Variants in NEK11 observed in about 807,000 individuals in gnomAD.
NEK11 encodes NIMA related kinase 11.
Under a neutral mutation model 80.7 loss-of-function variants are expected in NEK11, and 72 were observed. The observed-to-expected ratio is 0.89, with a 90% CI of 0.74 to 1.08. The LOEUF is 1.08. NEK11 is among the 50% of genes least tolerant of loss of function. The pLI, the probability that NEK11 is intolerant of heterozygous loss-of-function variation, is 0.00. For synonymous variants in NEK11, 251 were observed against 260.7 expected (o/e 0.96, Z 0.36); for missense variants, 764 against 763.6 (o/e 1.00, Z -0.01).
At chr3:131,224,275 T>TGG (rs2095121704) in intron 14 of NEK11, among the ~76,000 whole-genome samples, 1 of 152,174 alleles carries the variant, frequency 6.6e-6, no homozygotes, top group South Asian at 2.1e-4. Context: ...TTACCCAGTC[T>TGG]GGAGTGCAGT....
chr3:131,266,888 A>T (rs1242279092), intron 16 of NEK11, among the ~76,000 whole-genome samples: 1 of 152,154 alleles, frequency 6.6e-6, no homozygotes, highest in Non-Finnish European at 1.5e-5. Context: ...TTGGGTGCTT[A>T]TACATTTAGG....
chr3:131,045,186 A>G (rs1163574625), intron 3 of NEK11, among the ~76,000 whole-genome samples: 2 of 152,098 alleles, frequency 1.3e-5, no homozygotes, highest in East Asian at 3.9e-4. Context: ...AAAATCAACA[A>G]TTGTCTATTT....
chr3:131,279,939 T>C (rs2096368633), intron 17 of NEK11, among the ~76,000 whole-genome samples: 1 of 152,208 alleles, frequency 6.6e-6, no homozygotes, highest in Admixed American at 6.5e-5. Flanking sequence ...ATTTTGAGGC[T>C]GAACTGCTGG....
In NEK11 at chr3:131,262,312, G is replaced by T. The variant is rs1411271052; in HGVS notation, c.1622-11166G>T. Among the ~76,000 whole-genome samples the T allele has an allele frequency of 3.3e-5, 5 of 152,230 alleles. No homozygotes were observed. The East Asian group carries it at 9.6e-4, about 29-fold the overall frequency. On this transcript the variant is annotated intron_variant, in intron 16 of 17. Coordinates refer to ENST00000383366, the MANE Select transcript of NEK11 (RefSeq NM_024800.5). ...GAGGTGGGAGAATCACTTGAGCCTAGGAGTTCAAAGTCAGCCTGGGCAACA... is the reference window on the plus strand; with the variant it reads ...GAGGTGGGAGAATCACTTGAGCCTATGAGTTCAAAGTCAGCCTGGGCAACA...
At chr3:131,331,997 G>A (rs1011542294) in intron 17 of NEK11, among the ~76,000 whole-genome samples, 14 of 152,230 alleles carry the variant, frequency 9.2e-5, no homozygotes, top group African/African-American at 3.1e-4. Context: ...ACAGCTCAAG[G>A]AGGCCTGCCT....
At chr3:131,255,563 A>G (rs1173995532) in intron 16 of NEK11, among the ~76,000 whole-genome samples, 3 of 152,174 alleles carry the variant, frequency 2.0e-5, no homozygotes, top group Non-Finnish European at 2.9e-5. Flanking sequence ...CTTACATTCC[A>G]GTAGCACCAA....
chr3:131,150,911 A>C (rs2089520393), intron 7 of NEK11, among the ~76,000 whole-genome samples: 1 of 151,994 alleles, frequency 6.6e-6, no homozygotes, highest in African/African-American at 2.4e-5. Flanking sequence ...CTTGGCTAAA[A>C]ACATCTTTAT....
At chr3:131,257,039 C>T (rs183158903) in intron 16 of NEK11, among the ~76,000 whole-genome samples, 124 of 152,120 alleles carry the variant, frequency 8.2e-4, no homozygotes, top group African/African-American at 2.8e-3. Flanking sequence ...TGCTGGAGTA[C>T]AGTGGCACAA....
chr3:131,130,209 T>A (rs1178259295), intron 5 of NEK11, among the ~76,000 whole-genome samples: 1 of 152,248 alleles, frequency 6.6e-6, no homozygotes. Flanking sequence ...AAATATAGTT[T>A]GATATAAATG....
chr3:131,029,686 C>A lies in NEK11; in HGVS notation c.-23C>A, dbSNP rs1168453376. 1.2e-6 allele frequency: 2 copies of A among 1,607,620 alleles called. No homozygotes were observed. The highest frequency in any genetic ancestry group is 3.4e-5 in the Admixed American group (2 of 59,628). On this transcript the variant is annotated 5_prime_UTR_variant, in exon 3 of 18. Transcript: ENST00000383366. ...TGTTAAGTTTCTATAAATGAATGAA[C>A]CAGTTCTCTCTTGTTTGGAGCAATG...
intron 14 of NEK11, among the ~76,000 whole-genome samples, chr3:131,196,447 A>G (rs914386666): frequency 1.3e-5 from 2 of 152,234 alleles, no homozygotes; most frequent in African/African-American, 4.8e-5. Context: ...TTCTTGGAGT[A>G]AGGAATTTCT....
chr3:131,162,535 G>A lies in NEK11; in HGVS notation c.1082+8G>A. On this transcript the variant is annotated splice_region_variant and intron_variant, in intron 11 of 17. Transcript: ENST00000383366. ...GAAAGCCAGGAAGCTGAAGTAAGCTGCTTTTCCTTTAGGCACTCATGCTCG... is the reference window on the plus strand; with the variant it reads ...GAAAGCCAGGAAGCTGAAGTAAGCTACTTTTCCTTTAGGCACTCATGCTCG... 1 of 1,613,846 alleles carries A rather than the reference G, an allele frequency of 6.2e-7. No homozygotes were observed. The highest frequency in any genetic ancestry group is 8.5e-7 in the Non-Finnish European group (1 of 1,179,872).
chr3:131,331,189 G>A (rs1309435085), intron 17 of NEK11, among the ~76,000 whole-genome samples: 4 of 152,208 alleles, frequency 2.6e-5, no homozygotes, highest in African/African-American at 9.6e-5. Flanking sequence ...CTTTGCACTT[G>A]CACTTTGTGT....
intron 17 of NEK11, among the ~76,000 whole-genome samples, chr3:131,298,983 A>G (rs1351618312): frequency 1.7e-5 from 2 of 114,614 alleles, no homozygotes; most frequent in Admixed American, 9.1e-5. Context: ...GGAGGTTTCT[A>G]TTAAGACATC....
At chr3:131,055,359 G>A (rs967933254) in intron 3 of NEK11, among the ~76,000 whole-genome samples, 1 of 152,156 alleles carries the variant, frequency 6.6e-6, no homozygotes, top group South Asian at 2.1e-4. Flanking sequence ...TTCTCAGGGA[G>A]GGGACAGTCT....
intron 17 of NEK11, among the ~76,000 whole-genome samples, chr3:131,338,692 G>A: frequency 6.6e-6 from 1 of 152,210 alleles, no homozygotes; most frequent in East Asian, 1.9e-4. Flanking sequence ...ACACACAGCA[G>A]TTTAGATGAA....
chr3:131,235,883 G>A lies in NEK11; in HGVS notation c.1560+7195G>A, dbSNP rs138313214. Among the ~76,000 whole-genome samples the A allele has an allele frequency of 6.7e-3, 1,026 of 152,296 alleles. 3 individuals carry two copies. The highest frequency in any genetic ancestry group is 0.011 in the Non-Finnish European group (729 of 68,020). On this transcript the variant is annotated intron_variant, in intron 15 of 17. Transcript: ENST00000383366. ...ATTTGGAGTAAGTATAGAACTTAAT[G>A]TAGAAGTTGGTAAAGGAGAAGAAAA...
At chr3:131,259,852 C>T (rs559425660) in intron 16 of NEK11, among the ~76,000 whole-genome samples, 91 of 152,266 alleles carry the variant, frequency 6.0e-4, no homozygotes, top group Middle Eastern at 3.4e-3. Flanking sequence ...CAAGTTCTTC[C>T]TTCAAGGAGG....
chr3:131,303,061 T>C (rs1174207791), intron 17 of NEK11, among the ~76,000 whole-genome samples: 2 of 152,244 alleles, frequency 1.3e-5, no homozygotes, highest in Admixed American at 1.3e-4. Flanking sequence ...CTTGTTGAAT[T>C]GAACCCTTTA....
Sources: gnomAD v4.1 joint callset for allele counts (sites outside exome capture counted in the v4.1 genomes callset) on GRCh38, gnomAD v4.1.1 for gene constraint, MANE v1.5 for transcripts, NCBI Gene and HGNC (gene_info 2026-07-23, HGNC 2026-07-21) for gene names.